Variants in CPT1C observed in about 807,000 individuals in gnomAD.
CPT1C encodes palmitoyl thioesterase CPT1C.
CPT1C carries 61 observed loss-of-function variants against 97.3 expected under a neutral mutation model. The ratio of observed to expected loss-of-function variants is 0.63; its 90% CI spans 0.51 to 0.78. The LOEUF is 0.78. Ranked by LOEUF, CPT1C falls within the 30% of genes least tolerant of loss-of-function variation. The pLI is 0.00. For missense variants in CPT1C, 975 were observed against 1,065.5 expected (o/e 0.92, Z 1.18); for synonymous variants, 469 against 447.2 (o/e 1.05, Z -0.61).
chr19:49,692,375 G>C lies in CPT1C; in HGVS notation c.123G>C (p.Arg41Ser). Reference sequence around the variant, plus strand: ...TCTCTGGCCTGCGCTCCTGGAAAAGGCATCTCTCACGTTTCTGGGTGAGGA... The same window carrying C: ...TCTCTGGCCTGCGCTCCTGGAAAAGCCATCTCTCACGTTTCTGGGTGAGGA... ...IYLSGLRSWK[R>S]HLSRFWNDFL... is the part of the protein sequence containing the mutation. The change falls in exon 3 of 20, where the codon AGG becomes AGC. Residue 41 changes from arginine (R) to serine (S), a missense_variant. Transcript: ENST00000598293. 6.2e-7 allele frequency: 1 copy of C among 1,614,100 alleles called. No homozygotes were observed. The highest frequency in any genetic ancestry group is 8.5e-7 in the Non-Finnish European group (1 of 1,180,006).
intron 17 of CPT1C, chr19:49,712,246 A>G (rs902543228): frequency 2.5e-6 from 1 of 402,472 alleles, no homozygotes; most frequent in African/African-American, 2.0e-5. Context: ...GGGAGGGCTG[A>G]GGCAATAGAA....
rs945490037 is a variant in CPT1C at position 49,701,746 on chromosome 19, G to T, written c.693+112G>T. 183 of 1,263,968 alleles carry T rather than the reference G, an allele frequency of 1.4e-4. 3 individuals are homozygous for T. In the South Asian group the frequency reaches 2.7e-3, roughly 19 times the overall value. The allele number at this position is 1,263,968 out of a possible 1,614,324, so 78.3% of individuals were successfully genotyped here. A position where few individuals can be genotyped will look rare whatever the true frequency, so the allele number is the denominator to read the frequency against. ...CCCACGACACGCCCACAACCCACAC[G>T]CCCCCAGCCCCCAAGGGTCAATACC... On this transcript the variant is annotated intron_variant, in intron 7 of 19. Transcript: ENST00000598293.
chr19:49,704,681 C>A, intron 7 of CPT1C, 29 bp from the exon 8 acceptor site: 1 of 1,592,834 alleles, frequency 6.3e-7, no homozygotes, highest in South Asian at 1.1e-5. Flanking sequence ...CCCAGCCCCT[C>A]ACTGTGTGTC....
chr19:49,706,823 G>A lies in CPT1C; in HGVS notation c.1343+410G>A, dbSNP rs2123429236. On this transcript the variant is annotated intron_variant, in intron 12 of 19. Transcript: ENST00000598293. This position sits in a 1 kb window ranked among gnomAD's most constrained non-coding sequence, Gnocchi z 4.8. The stretch of plus-strand genomic sequence containing the variant: ...AACCATTCAATCCTCAGGCCTTAAT[G>A]CAGGCACCCCAAATCCATGGCCCTA... 6.6e-6 allele frequency among the ~76,000 whole-genome samples: 1 copy of A among 152,160 alleles called. No individual in the cohort carries two copies. Among genetic ancestry groups the A allele is most frequent in the African/African-American group, 2.4e-5 (1 of 41,522 alleles).
rs147763250 is a variant in CPT1C, at chr19:49,711,834, G to A, written c.1892G>A (p.Arg631His). Reference protein sequence around the residue: ...KTDPQCLALFRVAVDKHQALL... With the variant: ...KTDPQCLALFHVAVDKHQALL... ...GACCCACAGTGCCTCGCCCTGTTCC[G>A]CGTGGCAGTGGACAAGCACCAGGCT... Residue 631 changes from arginine to histidine, a missense_variant, in exon 17 of 20, where the codon CGC becomes CAC. Around this residue, in one of 3 missense-constraint regions of CPT1C, gnomAD observed 344 missense variants for 395.7 expected, o/e 0.87. Transcript: ENST00000598293. The A allele has an allele frequency of 4.5e-5, 72 of 1,613,460 alleles. No individual in the cohort carries two copies. Among genetic ancestry groups the A allele is most frequent in the Non-Finnish European group, 5.7e-5 (67 of 1,179,990 alleles).
intron 2 of CPT1C, 151 bp downstream of exon 2, chr19:49,692,040 T>A (rs2082379316): frequency 1.9e-6 from 1 of 531,032 alleles, no homozygotes; most frequent in Non-Finnish European, 3.3e-6. Flanking sequence ...GACTCCTGGA[T>A]CTGAGAGAGG....
At chr19:49,700,347 G>A (rs909925042) in intron 4 of CPT1C, among the ~76,000 whole-genome samples, 2 of 151,978 alleles carry the variant, frequency 1.3e-5, no homozygotes, top group Non-Finnish European at 2.9e-5. Context: ...TATGCATTTC[G>A]AACAAGCTCC....
chr19:49,711,920 G>A lies in CPT1C; in HGVS notation c.1978G>A (p.Val660Met), dbSNP rs1200456291. The part of the protein sequence containing the change: ...VDRHLFALYI[V>M]SRFLHLQSPF... ...CCGCCACCTGTTTGCGCTGTACATC[G>A]TGTCCCGATTCCTCCACCTGCAGTC... Residue 660 changes from valine to methionine, a missense_variant, in exon 17 of 20, where the codon GTG becomes ATG. By Grantham distance (21) the Val-to-Met change is conservative. This residue lies in a region of CPT1C where 344 missense variants were observed against 395.7 expected (regional missense o/e 0.87). Coordinates refer to ENST00000598293, the MANE Select transcript of CPT1C (RefSeq NM_001199753.2). The A allele has an allele frequency of 6.8e-6, 11 of 1,614,066 alleles. No individual in the cohort carries two copies. The East Asian group carries it at 8.9e-5, about 13-fold the overall frequency.
chr19:49,701,191 G>T (rs12981341), intron 5 of CPT1C, 126 bp from the exon 6 acceptor site: 2 of 708,620 alleles, frequency 2.8e-6, no homozygotes, highest in Non-Finnish European at 4.6e-6. Context: ...TTTCTCTCTT[G>T]GGGTCTCCGA....
chr19:49,700,140 C>G (rs531198528), intron 4 of CPT1C, among the ~76,000 whole-genome samples: 3 of 139,432 alleles, frequency 2.2e-5, no homozygotes, highest in Non-Finnish European at 3.1e-5. Flanking sequence ...CCAGCTACTC[C>G]GGAGGCTGAG....
intron 4 of CPT1C, 132 bp downstream of exon 4, chr19:49,697,597 G>C: frequency 3.6e-6 from 4 of 1,112,784 alleles, no homozygotes; most frequent in East Asian, 4.9e-5. Context: ...ATTAATAAAG[G>C]CATGGCATGA....
At chr19:49,708,168 A>G (rs187538851) in intron 13 of CPT1C, among the ~76,000 whole-genome samples, 128 of 151,960 alleles carry the variant, frequency 8.4e-4, no homozygotes, top group African/African-American at 3.0e-3. Flanking sequence ...CCAGAGTCAC[A>G]CAGCGAGGAG....
At chr19:49,708,888 C>T (rs369621712) in intron 14 of CPT1C, 49 bp downstream of exon 14, 766 of 1,240,478 alleles carry the variant, frequency 6.2e-4, no homozygotes, top group Non-Finnish European at 8.8e-4. Context: ...GATTCCTAGC[C>T]TTGACTTCAA....
At position 49,713,581 on chromosome 19, in the gene CPT1C, C is replaced by T. The variant is rs564093814; in HGVS notation, c.2388C>T (p.Ala796=). 3 of 1,612,480 alleles carry T rather than the reference C, an allele frequency of 1.9e-6. No individual in the cohort carries two copies. The highest frequency in any genetic ancestry group is 1.3e-5 in the African/African-American group (1 of 75,002). Reference sequence around the variant, plus strand: ...CCCGCCAGACTGGGGCCTCCAAGGCCTCAATGACATCCACCGACTTCTGAC... The same window carrying T: ...CCCGCCAGACTGGGGCCTCCAAGGCTTCAATGACATCCACCGACTTCTGAC... ...FLSRQTGASK[A]SMTSTDF is the part of the protein sequence containing the mutation. Residue 796 remains alanine (A), a synonymous_variant, in exon 20 of 20, where the codon GCC becomes GCT. Transcript: ENST00000598293.
chr19:49,696,282 A>C (rs1255471874), intron 3 of CPT1C, among the ~76,000 whole-genome samples: 1 of 152,120 alleles, frequency 6.6e-6, no homozygotes, highest in African/African-American at 2.4e-5. Context: ...CCTGGAATGT[A>C]GTAAGTGCTC....
intron 2 of CPT1C, 96 bp from the exon 3 acceptor site, chr19:49,692,143 C>T (rs1367479647): frequency 7.4e-7 from 1 of 1,357,502 alleles, no homozygotes; most frequent in East Asian, 2.4e-5. Context: ...GGCCTGGACT[C>T]CTGGGTATGA....
chr19:49,704,665 A>G lies in CPT1C; in HGVS notation c.694-45A>G, dbSNP rs758760566. Reference sequence around the variant, plus strand: ...TCCCTGTCCTACTGTCCCTCCCCCAACAGGCCCCAGCCCCTCACTGTGTGT... The same window carrying G: ...TCCCTGTCCTACTGTCCCTCCCCCAGCAGGCCCCAGCCCCTCACTGTGTGT... On this transcript the variant is annotated intron_variant, in intron 7 of 19. Coordinates refer to ENST00000598293, the MANE Select transcript of CPT1C (RefSeq NM_001199753.2). The G allele has an allele frequency of 1.1e-5, 17 of 1,497,816 alleles. No homozygotes were observed. The South Asian group carries it at 1.5e-4, about 13-fold the overall frequency. The allele number at this position is 1,497,816 out of a possible 1,614,324, so 92.8% of individuals were successfully genotyped here.
At chr19:49,696,667 C>G (rs1416667552) in intron 3 of CPT1C, 1 of 147,560 alleles carries the variant, frequency 6.8e-6, no homozygotes, top group Non-Finnish European at 1.5e-5. Flanking sequence ...TTGTCTTGCT[C>G]TGTCACCCAG....
chr19:49,692,394 G>C lies in CPT1C; in HGVS notation c.141+1G>C. 6.2e-7 allele frequency: 1 copy of C among 1,614,130 alleles called. No homozygotes were observed. Among genetic ancestry groups the C allele is most frequent in the Non-Finnish European group, 8.5e-7 (1 of 1,180,000 alleles). On this transcript the variant is annotated splice_donor_variant, in intron 3 of 19. Transcript: ENST00000598293. LOFTEE classifies it high-confidence loss of function. ...GAAAAGGCATCTCTCACGTTTCTGG[G>C]TGAGGAGCGGTGCTGGTCGGTTTCC...
Sources: allele counts gnomAD v4.1 joint callset (sites outside exome capture counted in the v4.1 genomes callset), GRCh38; gene constraint gnomAD v4.1.1; regional missense constraint gnomAD v4.1.1; non-coding constraint Gnocchi (gnomAD v3.1); transcripts MANE v1.5; gene names NCBI Gene and HGNC (gene_info 2026-07-23, HGNC 2026-07-21).